The following USP13 variants were observed in gnomAD, a reference collection of about 807,000 sequenced individuals.
The protein encoded by USP13 is ubiquitin carboxyl-terminal hydrolase 13.
USP13 carries 68 observed loss-of-function variants against 107.8 expected under a neutral mutation model. The observed-to-expected ratio is 0.63, with a 90% CI of 0.52 to 0.77. The LOEUF (loss-of-function observed/expected upper bound fraction) is 0.77. Ranked by LOEUF, USP13 falls within the 30% of genes least tolerant of loss-of-function variation. The pLI is 0.00. For synonymous variants in USP13, 377 were observed against 389.5 expected, an observed-to-expected ratio of 0.97 and a Z score of 0.38; for missense variants, 945 against 1,093.3, an observed-to-expected ratio of 0.86 and a Z score of 1.91.
In USP13 at chr3:179,745,015, A is replaced by G. The variant is rs372088271; in HGVS notation, c.1535-28A>G. 81 of 1,613,172 alleles carry G rather than the reference A, an allele frequency of 5.0e-5. 1 individual carries two copies. The African/African-American group carries it at 1.0e-3, about 20-fold the overall frequency. ...ATTTCCACAGGGTAAGAGCGATTGC[A>G]AGGTCTTTGATTTGCTCTTTCACCC... On this transcript the variant is annotated intron_variant, in intron 12 of 20. Coordinates refer to ENST00000263966, the MANE Select transcript of USP13 (RefSeq NM_003940.3).
At chr3:179,746,264 A>G (rs998959329) in intron 13 of USP13, among the ~76,000 whole-genome samples, 1 of 147,278 alleles carries the variant, frequency 6.8e-6, no homozygotes, top group South Asian at 2.1e-4. Context: ...AGTATTATAT[A>G]TATTTTTTAG....
intron 20 of USP13, among the ~76,000 whole-genome samples, chr3:179,783,257 C>T (rs956258050): frequency 9.9e-5 from 15 of 151,858 alleles, no homozygotes; most frequent in African/African-American, 3.6e-4. Context: ...CTAACAATAA[C>T]CATTGTCTAC....
chr3:179,788,108 C>T lies in USP13; in HGVS notation c.*3967C>T, dbSNP rs1193957635. On this transcript the variant is annotated 3_prime_UTR_variant, in exon 21 of 21. Transcript: ENST00000263966. ...TCTAATTTAGCTAGAGCTGTGATCCCCAAATAAGTGCTGACAAAATTGTCT... is the reference window on the plus strand; with the variant it reads ...TCTAATTTAGCTAGAGCTGTGATCCTCAAATAAGTGCTGACAAAATTGTCT... The T allele has an allele frequency of 6.6e-6, 1 of 152,114 alleles. No homozygotes were observed. Among genetic ancestry groups the T allele is most frequent in the Non-Finnish European group, 1.5e-5 (1 of 68,016 alleles). 9.4% of individuals were successfully genotyped at this position (152,114 alleles called of 1,614,324 possible).
intron 10 of USP13, among the ~76,000 whole-genome samples, chr3:179,733,014 C>T (rs77078984): frequency 3.9e-5 from 6 of 152,330 alleles, no homozygotes; most frequent in South Asian, 2.1e-4. Context: ...CCATTCAGAA[C>T]GTCTGACAGT....
intron 6 of USP13, 26 bp downstream of exon 6, chr3:179,708,983 G>C: frequency 6.2e-7 from 1 of 1,607,112 alleles, no homozygotes; most frequent in Non-Finnish European, 8.5e-7. Flanking sequence ...CCGACTTTGG[G>C]AACATGCAGT....
chr3:179,666,460 A>T (rs778788108), intron 1 of USP13, among the ~76,000 whole-genome samples: 42 of 152,146 alleles, frequency 2.8e-4, no homozygotes, highest in Non-Finnish European at 4.6e-4. Context: ...TAGGGCGAGT[A>T]GGCTGTGAGA....
chr3:179,672,847 T>C (rs1720788548), intron 1 of USP13, among the ~76,000 whole-genome samples: 2 of 152,226 alleles, frequency 1.3e-5, no homozygotes, highest in Admixed American at 1.3e-4. Context: ...TGGTCAAATT[T>C]CTGGTTAGTG....
chr3:179,699,995 T>G (rs566543497), intron 3 of USP13, among the ~76,000 whole-genome samples: 1 of 152,100 alleles, frequency 6.6e-6, no homozygotes, highest in South Asian at 2.1e-4. Context: ...CATGTGTAGG[T>G]TTGTGTGCAT....
intron 10 of USP13, among the ~76,000 whole-genome samples, chr3:179,731,808 G>A (rs1713815858): frequency 6.6e-6 from 1 of 152,168 alleles, no homozygotes; most frequent in Non-Finnish European, 1.5e-5. Context: ...CCCGCCACCT[G>A]CTCTGGCTTC....
chr3:179,765,563 T>C (rs1396601733), intron 18 of USP13, 132 bp from the exon 19 acceptor site: 1 of 1,059,998 alleles, frequency 9.4e-7, no homozygotes, highest in Non-Finnish European at 1.3e-6. Flanking sequence ...AGCTTCTTAC[T>C]CAGTGGCACT....
Position 179,701,127 on chromosome 3 carries a change from C to CAAATAT in USP13, c.475_476insAAATAT (p.Ala158_Leu159insGlnIle), listed in dbSNP as rs1712502435. 6.7e-7 allele frequency: 1 copy of CAAATAT among 1,483,256 alleles called. No individual in the cohort carries two copies. The highest frequency in any genetic ancestry group is 9.1e-7 in the Non-Finnish European group (1 of 1,099,154). 91.9% of individuals were successfully genotyped at this position (1,483,256 alleles called of 1,614,324 possible). On this transcript the variant is annotated inframe_insertion and splice_region_variant, in exon 4 of 21. Transcript: ENST00000263966. ...ACCAAATATTGAGGAGTTACCAGCCCTGGTCAGTGAGTGTGCACGGCTGCT... is the reference window on the plus strand; with the variant it reads ...ACCAAATATTGAGGAGTTACCAGCCCAAATATTGGTCAGTGAGTGTGCACGGCTGCT...
intron 1 of USP13, among the ~76,000 whole-genome samples, chr3:179,677,173 A>C (rs1711507965): frequency 6.6e-6 from 1 of 151,764 alleles, no homozygotes; most frequent in African/African-American, 2.4e-5. Flanking sequence ...TTGATGTTAT[A>C]ATGAAATCCT....
chr3:179,730,849 C>A, intron 10 of USP13, 140 bp downstream of exon 10: 1 of 691,978 alleles, frequency 1.4e-6, no homozygotes, highest in Non-Finnish European at 2.4e-6. Flanking sequence ...TCTAGGGTGC[C>A]TGTCTGTATG....
rs547602317 is a variant in USP13 at position 179,721,271 on chromosome 3, T to A, written c.901-131T>A. ...GTCTCTCAGTCTTTTTTATTTGCAT[T>A]GTTTATTTCTCTATGTAATTGGGGA... On this transcript the variant is annotated intron_variant, in intron 7 of 20. Transcript: ENST00000263966. The surrounding 1 kb of genome is among the most constrained non-coding windows in gnomAD (Gnocchi z 4.3). The A allele has an allele frequency of 1.6e-4, 143 of 919,486 alleles. 1 individual carries two copies. In the South Asian group the frequency reaches 2.5e-3, roughly 16 times the overall value. The allele number at this position is 919,486 out of a possible 1,614,324, so 57.0% of individuals were successfully genotyped here.
chr3:179,693,959 G>A (rs771002739), intron 3 of USP13, among the ~76,000 whole-genome samples: 23 of 151,896 alleles, frequency 1.5e-4, no homozygotes, highest in East Asian at 3.9e-4. Context: ...GATTACAGGC[G>A]TGAACCACCA....
intron 4 of USP13, among the ~76,000 whole-genome samples, chr3:179,705,099 A>G (rs888654739): frequency 6.6e-6 from 1 of 152,136 alleles, no homozygotes; most frequent in Admixed American, 6.5e-5. Flanking sequence ...CATGAGGCCC[A>G]TCGCAGGGCT....
intron 1 of USP13, among the ~76,000 whole-genome samples, chr3:179,672,672 C>A (rs1260295082): frequency 6.6e-6 from 1 of 152,058 alleles, no homozygotes; most frequent in Non-Finnish European, 1.5e-5. Flanking sequence ...GACCTGCCTC[C>A]CAAAGTGATG....
At chr3:179,727,886 C>T (rs2108500957) in intron 8 of USP13, among the ~76,000 whole-genome samples, 1 of 71,776 alleles carries the variant, frequency 1.4e-5, no homozygotes, top group East Asian at 6.2e-4. Flanking sequence ...GCAGAGGCGC[C>T]CCTCACCTCC....
intron 1 of USP13, among the ~76,000 whole-genome samples, chr3:179,670,859 G>A (rs1265144045): frequency 6.6e-6 from 1 of 151,848 alleles, no homozygotes; most frequent in Non-Finnish European, 1.5e-5. Context: ...CACCATGCCT[G>A]GCTAATTTTT....
Sources: allele counts gnomAD v4.1 joint callset (sites outside exome capture counted in the v4.1 genomes callset), GRCh38; gene constraint gnomAD v4.1.1; non-coding constraint Gnocchi (gnomAD v3.1); transcripts MANE v1.5; gene names NCBI Gene and HGNC (gene_info 2026-07-23, HGNC 2026-07-21).